PCDHGA10: variants seen among roughly 807,000 people sequenced by gnomAD.
PCDHGA10 encodes the protein protocadherin gamma-A10.
PCDHGA10 carries 42 observed loss-of-function variants against 59.5 expected under a neutral mutation model. The observed-to-expected ratio is 0.71, with a 90% CI of 0.55 to 0.91. PCDHGA10 has a LOEUF of 0.91. Ranked by LOEUF, PCDHGA10 falls within the 40% of genes least tolerant of loss-of-function variation. PCDHGA10 has a pLI of 0.00. For synonymous variants in PCDHGA10, 511 were observed against 517.2 expected, an observed-to-expected ratio of 0.99 and a Z score of 0.16; for missense variants, 1,111 against 1,198.2, an observed-to-expected ratio of 0.93 and a Z score of 1.07.
intron 1 of PCDHGA10, among the ~76,000 whole-genome samples, chr5:141,462,903 T>A (rs1455334521): frequency 6.6e-6 from 1 of 152,208 alleles, no homozygotes; most frequent in Non-Finnish European, 1.5e-5. Context: ...GGAAGGCTAT[T>A]ATGTTTTTTG....
chr5:141,422,349 T>C (rs768693451), intron 1 of PCDHGA10: 95 of 1,554,604 alleles, frequency 6.1e-5, no homozygotes, highest in Non-Finnish European at 8.2e-5. Flanking sequence ...ATGTGCAAGA[T>C]CAAGATTCTG....
In PCDHGA10 at chr5:141,480,033, C is replaced by G. The variant is rs370321166; in HGVS notation, c.2437-14774C>G. On this transcript the variant is annotated intron_variant, in intron 1 of 3. Coordinates refer to ENST00000398610, the MANE Select transcript of PCDHGA10 (RefSeq NM_018913.3). ...CTCAATCTCCTTTCTAAGCCTCTTC[C>G]TCATATGCAAAAAGGGAATAATAAG... is the stretch of plus-strand genomic sequence containing the variant. Among the ~76,000 whole-genome samples, 3 of 152,224 alleles carry G rather than the reference C, an allele frequency of 2.0e-5. No individual in the cohort carries two copies. The East Asian group carries it at 5.8e-4, about 29-fold the overall frequency.
rs930695301 is a variant in PCDHGA10, at chr5:141,472,874, T to C, written c.2437-21933T>C. On this transcript the variant is annotated intron_variant, in intron 1 of 3. Coordinates refer to ENST00000398610, the MANE Select transcript of PCDHGA10 (RefSeq NM_018913.3). ...GGTGGCACATGCCTGTATTCCCAGC[T>C]ACTCGGGAGGCTGAGGCAGGAGAAT... Among the ~76,000 whole-genome samples, 5 of 150,448 alleles carry C rather than the reference T, an allele frequency of 3.3e-5. No homozygotes were observed. In the Admixed American group the frequency reaches 3.3e-4, roughly 10 times the overall value.
chr5:141,470,444 A>G (rs970120314), intron 1 of PCDHGA10, among the ~76,000 whole-genome samples: 8 of 152,222 alleles, frequency 5.3e-5, no homozygotes, highest in African/African-American at 1.9e-4. Context: ...ATAATTTAAT[A>G]GCATCTTGAA....
At chr5:141,442,689 G>A (rs966261716) in intron 1 of PCDHGA10, among the ~76,000 whole-genome samples, 1 of 152,238 alleles carries the variant, frequency 6.6e-6, no homozygotes, top group South Asian at 2.1e-4. Context: ...CAGTAGTCAG[G>A]CAGACAAGAG....
In PCDHGA10 at chr5:141,486,407, C is replaced by A; in HGVS notation, c.2437-8400C>A. The A allele has an allele frequency of 6.2e-7, 1 of 1,614,134 alleles. No homozygotes were observed. The highest frequency in any genetic ancestry group is 8.5e-7 in the Non-Finnish European group (1 of 1,180,000). On this transcript the variant is annotated intron_variant, in intron 1 of 3. Transcript: ENST00000398610. This position sits in a 1 kb window ranked among gnomAD's most constrained non-coding sequence, Gnocchi z 5.0. Reference sequence around the variant, plus strand: ...CCAGTTCTCCCTGGTGACTGCTGGACCCTTGGATCGAGAGGCCAAATCTAG... The same window carrying A: ...CCAGTTCTCCCTGGTGACTGCTGGAACCTTGGATCGAGAGGCCAAATCTAG...
At chr5:141,423,346 G>T in intron 1 of PCDHGA10, 1 of 1,614,214 alleles carries the variant, frequency 6.2e-7, no homozygotes, top group South Asian at 1.1e-5. Context: ...CATCTTCCTG[G>T]TCTTTGTCAT....
chr5:141,444,947 C>G (rs2098452252), intron 1 of PCDHGA10, among the ~76,000 whole-genome samples: 1 of 152,054 alleles, frequency 6.6e-6, no homozygotes, highest in Non-Finnish European at 1.5e-5. Context: ...GGAGGAGGAT[C>G]ATCTTAACAA....
intron 1 of PCDHGA10, among the ~76,000 whole-genome samples, chr5:141,484,045 G>A (rs934525987): frequency 7.9e-5 from 12 of 152,026 alleles, no homozygotes; most frequent in African/African-American, 2.9e-4. Context: ...AGCTCCAAGA[G>A]GTCCCCTGGG....
Position 141,489,409 on chromosome 5 carries a change from A to T in PCDHGA10, c.2437-5398A>T. On this transcript the variant is annotated intron_variant, in intron 1 of 3. Transcript: ENST00000398610. The surrounding 1 kb of genome is among the most constrained non-coding windows in gnomAD (Gnocchi z 4.5). ...TGCTCAGGATCTGGGCTTAAAGATG[A>T]CAGATCTGTTGAGCCGGCGGCTGCA... 1.9e-6 allele frequency: 3 copies of T among 1,614,114 alleles called. No homozygotes were observed. The highest frequency in any genetic ancestry group is 2.5e-6 in the Non-Finnish European group (3 of 1,180,004).
chr5:141,436,998 A>G (rs985067199), intron 1 of PCDHGA10, among the ~76,000 whole-genome samples: 23 of 152,242 alleles, frequency 1.5e-4, no homozygotes, highest in South Asian at 2.1e-4. Flanking sequence ...GTTTACTTCA[A>G]TGGGATCTTA....
intron 1 of PCDHGA10, among the ~76,000 whole-genome samples, chr5:141,494,030 A>G (rs1165393646): frequency 6.6e-6 from 1 of 151,978 alleles, no homozygotes; most frequent in Non-Finnish European, 1.5e-5. Context: ...AGCCCTGGAG[A>G]CTTAGTTGGC....
rs1211398299 is a variant in PCDHGA10 at position 141,420,143 on chromosome 5, A to G, written c.2436+4532A>G. The G allele has an allele frequency of 1.2e-6, 2 of 1,614,052 alleles. No homozygotes were observed. The highest frequency in any genetic ancestry group is 2.2e-5 in the East Asian group (1 of 44,888). On this transcript the variant is annotated intron_variant, in intron 1 of 3. Transcript: ENST00000398610. The stretch of plus-strand genomic sequence containing the variant: ...TTTTTGTGTGCCTGGGGATCAAATG[A>G]ATCCAGAATTTAATTTTTTCACATC...
chr5:141,413,453 G>A lies in PCDHGA10; in HGVS notation c.278G>A (p.Arg93Lys), dbSNP rs761986113. 1.9e-5 allele frequency: 31 copies of A among 1,613,986 alleles called. 2 individuals carry two copies. In the South Asian group the frequency reaches 3.1e-4, roughly 16 times the overall value. Residue 93 changes from arginine (R) to lysine (K), a missense_variant, in exon 1 of 4, where the codon AGG becomes AAG. By Grantham distance (26) the Arg-to-Lys change is conservative. Coordinates refer to ENST00000398610, the MANE Select transcript of PCDHGA10 (RefSeq NM_018913.3). ...PRSGSLITAG[R>K]IDREELCAQS... ...AGCGGCAGCTTGATCACCGCGGGCA[G>A]GATAGACCGGGAGGAGCTCTGCGCT...
intron 1 of PCDHGA10, chr5:141,426,713 AC>A: frequency 2.2e-6 from 1 of 445,196 alleles, no homozygotes; most frequent in Middle Eastern, 3.3e-4. Flanking sequence ...AAATCAATGA[AC>A]TAGCAATTCC....
At chr5:141,418,904 A>C (rs2096300166) in intron 1 of PCDHGA10, 1 of 1,613,998 alleles carries the variant, frequency 6.2e-7, no homozygotes, top group Admixed American at 1.7e-5. Context: ...AGAAATAATC[A>C]TCACGTCACT....
chr5:141,420,028 A>C, intron 1 of PCDHGA10: 2 of 1,614,076 alleles, frequency 1.2e-6, no homozygotes, highest in Non-Finnish European at 1.7e-6. Flanking sequence ...GCCCTACTGC[A>C]GGAGACTGCT....
chr5:141,433,837 C>CAAA lies in PCDHGA10; in HGVS notation c.2436+18242_2436+18244dup, dbSNP rs56191208. The stretch of plus-strand genomic sequence containing the variant: ...GGGCAACAAGAGTGAAACTCTATCT[C>CAAA]AAAAAAAAAAAAAAAAAACTTTATC... On this transcript the variant is annotated intron_variant, in intron 1 of 3. Transcript: ENST00000398610. 4.3e-3 allele frequency among the ~76,000 whole-genome samples: 475 copies of CAAA among 111,672 alleles called. 6 individuals carry two copies. The highest frequency in any genetic ancestry group is 0.013 in the African/African-American group (431 of 32,292). The allele number at this position is 111,672 out of a possible 152,430, so 73.3% of individuals were successfully genotyped here.
intron 1 of PCDHGA10, among the ~76,000 whole-genome samples, chr5:141,447,761 T>C (rs2098551051): frequency 1.3e-5 from 2 of 152,186 alleles, no homozygotes; most frequent in African/African-American, 4.8e-5. Context: ...TGACTGTATA[T>C]AAATTATACT....
Sources: gnomAD v4.1 joint callset for allele counts (sites outside exome capture counted in the v4.1 genomes callset) on GRCh38, gnomAD v4.1.1 for gene constraint, Gnocchi (gnomAD v3.1) non-coding constraint, MANE v1.5 for transcripts, NCBI Gene and HGNC (gene_info 2026-07-23, HGNC 2026-07-21) for gene names.